PDIA4: variants seen among roughly 807,000 people sequenced by gnomAD.
PDIA4 encodes protein disulfide-isomerase A4.
In PDIA4, 33 loss-of-function variants were observed where a neutral mutation model predicts 62.1. The ratio of observed to expected loss-of-function variants is 0.53; its 90% confidence interval spans 0.40 to 0.71. The LOEUF (loss-of-function observed/expected upper bound fraction) is 0.71, where lower values mean the gene tolerates loss of function less well. Among genes scored for constraint, PDIA4 ranks in the 30% least tolerant of loss-of-function variants. The pLI is 0.00. For missense variants in PDIA4, 804 were observed against 813.6 expected (o/e 0.99, Z 0.14); for synonymous variants, 341 against 324.1 (o/e 1.05, Z -0.56).
Position 149,011,883 on chromosome 7 carries a change from C to T in PDIA4, c.942G>A (p.Gly314=). 1 of 1,596,918 alleles carries T rather than the reference C, an allele frequency of 6.3e-7. No homozygotes were observed. Among genetic ancestry groups the T allele is most frequent in the Non-Finnish European group, 8.5e-7 (1 of 1,171,178 alleles). Residue 314 remains glycine (G), a synonymous_variant, in exon 6 of 10, where the codon GGG becomes GGA. Coordinates refer to ENST00000652332, the MANE Select transcript of PDIA4 (RefSeq NM_004911.5). The part of the protein sequence containing the change: ...DDVIIIGVFK[G]ESDPAYQQYQ... ...ATTGCTGGTAGGCTGGGTCACTCTC[C>T]CCCTTAAAGACCCCGATGATGATGA...
At chr7:149,026,104 C>T (rs1400123565) in intron 1 of PDIA4, among the ~76,000 whole-genome samples, 3 of 152,170 alleles carry the variant, frequency 2.0e-5, no homozygotes, top group South Asian at 2.1e-4. Context: ...AAAAAAAAGC[C>T]TCGAGACTTG....
intron 2 of PDIA4, among the ~76,000 whole-genome samples, chr7:149,019,818 T>A (rs7808287): frequency 0.92 from 139,927 of 151,750 alleles, 65,309 homozygotes; most frequent in Non-Finnish European, 1. Context: ...CTCAAAAAAA[T>A]TTTTTTTTAA....
At chr7:149,016,764 G>A (rs1443098176) in intron 3 of PDIA4, among the ~76,000 whole-genome samples, 1 of 152,080 alleles carries the variant, frequency 6.6e-6, no homozygotes, top group Non-Finnish European at 1.5e-5. Context: ...ACCGACCTTG[G>A]CCTCCCAAAG....
intron 1 of PDIA4, 23 bp from the exon 2 acceptor site, chr7:149,021,170 G>A (rs1344587502): frequency 6.4e-7 from 1 of 1,555,434 alleles, no homozygotes; most frequent in Non-Finnish European, 8.7e-7. Context: ...CACCCAGACT[G>A]GTTACAAAGC....
chr7:149,027,804 C>T (rs1585436547), intron 1 of PDIA4: 1 of 468,440 alleles, frequency 2.1e-6, no homozygotes, highest in Non-Finnish European at 4.4e-6. Flanking sequence ...CCAAGCCATC[C>T]CTTTCTCCAG....
rs763047433 is a variant in PDIA4, at chr7:149,028,305, C to A, written c.88+16G>T. 6.6e-7 allele frequency: 1 copy of A among 1,509,442 alleles called. No individual in the cohort carries two copies. Among genetic ancestry groups the A allele is most frequent in the Non-Finnish European group, 8.9e-7 (1 of 1,129,372 alleles). 93.5% of individuals were successfully genotyped at this position (1,509,442 alleles called of 1,614,324 possible). On this transcript the variant is annotated intron_variant, in intron 1 of 9. Transcript: ENST00000652332. Reference sequence around the variant, plus strand: ...CCCGCAAGCACAGCCCGACCCGCGGCGCGCTTGCCGCTCACCCTCGTCCGG... The same window carrying A: ...CCCGCAAGCACAGCCCGACCCGCGGAGCGCTTGCCGCTCACCCTCGTCCGG...
Position 149,005,322 on chromosome 7 carries a change from C to T in PDIA4, c.1341G>A (p.Glu447=), listed in dbSNP as rs1444477285. 13 of 1,614,046 alleles carry T rather than the reference C, an allele frequency of 8.1e-6. No homozygotes were observed. The Admixed American group carries it at 2.2e-4, about 27-fold the overall frequency. Residue 447 remains glutamate (E), a synonymous_variant, in exon 9 of 10, where the codon GAG becomes GAA. Transcript: ENST00000652332. The part of the protein sequence containing the change: ...KVLEVAKDFP[E]YTFAIADEED... ...CTTCGTCCGCAATGGCAAAGGTGTA[C>T]TCAGGGAAGTCCTTGGCCACCTCTA...
chr7:149,019,314 T>A, intron 2 of PDIA4, 117 bp from the exon 3 acceptor site: 1 of 741,866 alleles, frequency 1.3e-6, no homozygotes, highest in East Asian at 2.6e-5. Flanking sequence ...AATGTTGAAA[T>A]CTGATCCCCA....
Position 149,005,118 on chromosome 7 carries a change from C to T in PDIA4, c.1522+23G>A, listed in dbSNP as rs777693062. 3.8e-6 allele frequency: 6 copies of T among 1,579,216 alleles called. No individual in the cohort carries two copies. In the Admixed American group the frequency reaches 6.7e-5, roughly 18 times the overall value. The stretch of plus-strand genomic sequence containing the variant: ...AGGAGCACAGCAGCTGATGGGAGAC[C>T]CCAGCCCCAGCCACGGGCTCACCTT... On this transcript the variant is annotated intron_variant, in intron 9 of 9. Coordinates refer to ENST00000652332, the MANE Select transcript of PDIA4 (RefSeq NM_004911.5).
chr7:149,015,805 T>C (rs1824116211), intron 3 of PDIA4, among the ~76,000 whole-genome samples: 1 of 152,128 alleles, frequency 6.6e-6, no homozygotes, highest in South Asian at 2.1e-4. Flanking sequence ...CCTCTGCGCA[T>C]TCGCAGCATG....
chr7:149,012,806 G>A (rs1224361110), intron 4 of PDIA4, among the ~76,000 whole-genome samples: 4 of 152,158 alleles, frequency 2.6e-5, no homozygotes, highest in African/African-American at 7.2e-5. Context: ...CACGGGAGGT[G>A]GGGCGAAGAG....
intron 1 of PDIA4, among the ~76,000 whole-genome samples, chr7:149,026,474 C>T (rs528226826): frequency 6.6e-6 from 1 of 152,262 alleles, no homozygotes; most frequent in African/African-American, 2.4e-5. Flanking sequence ...CACGGTGAAA[C>T]CCCGTCTCTA....
intron 6 of PDIA4, among the ~76,000 whole-genome samples, chr7:149,009,700 A>T (rs1474260822): frequency 1.3e-5 from 2 of 152,252 alleles, no homozygotes; most frequent in African/African-American, 2.4e-5. Flanking sequence ...GGTCTGTCCC[A>T]GCTGCTTAAC....
At chr7:149,013,984 C>T (rs1824039789) in intron 4 of PDIA4, among the ~76,000 whole-genome samples, 1 of 152,166 alleles carries the variant, frequency 6.6e-6, no homozygotes, top group African/African-American at 2.4e-5. Flanking sequence ...GTCTCTCCAG[C>T]ATCGCAAGGG....
chr7:149,028,013 C>A (rs1222759755), intron 1 of PDIA4: 1 of 587,204 alleles, frequency 1.7e-6, no homozygotes, highest in Non-Finnish European at 3.3e-6. Context: ...AGGCGAAGGA[C>A]CCAGCTGCAA....
rs143550335 is a variant in PDIA4 at position 149,011,885 on chromosome 7, C to T, written c.940G>A (p.Gly314Arg). 6 of 1,599,512 alleles carry T rather than the reference C, an allele frequency of 3.8e-6. No individual in the cohort carries two copies. In the East Asian group the frequency reaches 1.3e-4, roughly 36 times the overall value. The change falls in exon 6 of 10, where the codon GGG (glycine) becomes AGG (arginine). Residue 314 changes from glycine (G) to arginine (R), a missense_variant. Gly to Arg is a moderately radical substitution (Grantham distance 125). Transcript: ENST00000652332. The stretch of plus-strand genomic sequence containing the variant: ...TGCTGGTAGGCTGGGTCACTCTCCC[C>T]CTTAAAGACCCCGATGATGATGACA... ...DDVIIIGVFKGESDPAYQQYQ... is the reference protein window; with the variant it reads ...DDVIIIGVFKRESDPAYQQYQ...
intron 7 of PDIA4, chr7:149,006,305 G>C: frequency 2.3e-6 from 1 of 428,744 alleles, no homozygotes; most frequent in South Asian, 3.1e-5. Flanking sequence ...TTCCTTGGGG[G>C]TGTAGGCTCA....
chr7:149,006,167 G>C, intron 7 of PDIA4, 114 bp from the exon 8 acceptor site: 2 of 1,078,970 alleles, frequency 1.9e-6, no homozygotes, highest in Non-Finnish European at 2.6e-6. Flanking sequence ...TCAGTCTTAG[G>C]AGGCAAAACA....
intron 1 of PDIA4, among the ~76,000 whole-genome samples, chr7:149,021,381 C>T (rs1236276364): frequency 1.4e-5 from 2 of 145,744 alleles, no homozygotes; most frequent in African/African-American, 5.1e-5. Context: ...CCCAGCTACT[C>T]GGGAGGCTGA....
Sources: gnomAD v4.1 joint callset for allele counts (sites outside exome capture counted in the v4.1 genomes callset) on GRCh38, gnomAD v4.1.1 for gene constraint, MANE v1.5 for transcripts, NCBI Gene and HGNC (gene_info 2026-07-23, HGNC 2026-07-21) for gene names.